KCNN2: variants seen among roughly 807,000 people sequenced by gnomAD.
KCNN2 encodes potassium calcium-activated channel subfamily N member 2.
A neutral mutation model predicts 55.5 loss-of-function variants in KCNN2; 24 were observed. The observed-to-expected ratio is 0.43, with a 90% CI of 0.31 to 0.61. KCNN2 has a LOEUF of 0.61. Ranked by LOEUF, KCNN2 falls within the 20% of genes least tolerant of loss-of-function variation. The pLI is 0.08. For missense variants in KCNN2, 754 were observed against 853.6 expected, an observed-to-expected ratio of 0.88 and a Z score of 1.45; for synonymous variants, 431 against 336.1, an observed-to-expected ratio of 1.28 and a Z score of -3.09.
intron 2 of KCNN2, among the ~76,000 whole-genome samples, chr5:114,350,087 C>A (rs911305948): frequency 6.6e-6 from 1 of 151,724 alleles, no homozygotes; most frequent in African/African-American, 2.4e-5. Flanking sequence ...TTGCCTTTGG[C>A]TTATTTATTC....
At position 114,088,881 on chromosome 5, in the gene KCNN2, A is replaced by G. The variant is rs564388194; in HGVS notation, c.-271+32381A>G. ...AGTGATCCACCCACTTTGTCCTCCA[A>G]AAGCGCTGAGATTACAGGCGTGAGC... is the stretch of plus-strand genomic sequence containing the variant. On this transcript the variant is annotated intron_variant, in intron 1 of 10. Transcript: ENST00000512097. 8.5e-5 allele frequency among the ~76,000 whole-genome samples: 13 copies of G among 152,322 alleles called. 1 individual carries two copies. The South Asian group carries it at 2.7e-3, about 32-fold the overall frequency.
chr5:114,241,750 A>ATG (rs1491370553), intron 2 of KCNN2, among the ~76,000 whole-genome samples: 6 of 11,264 alleles, frequency 5.3e-4, no homozygotes, highest in Admixed American at 1.1e-3. Flanking sequence ...ACGTATATAT[A>ATG]TGTATATATA....
intron 5 of KCNN2, 168 bp from the exon 6 acceptor site, chr5:114,486,882 A>G (rs1747577096): frequency 1.8e-6 from 2 of 1,136,014 alleles, no homozygotes; most frequent in African/African-American, 1.6e-5. Context: ...GGCAGGTACA[A>G]GTACTTCTAA....
At chr5:114,123,077 T>C (rs987545123) in intron 1 of KCNN2, among the ~76,000 whole-genome samples, 3 of 152,076 alleles carry the variant, frequency 2.0e-5, no homozygotes, top group Admixed American at 6.6e-5. Context: ...CGGTAGAAAA[T>C]GAATGATGTG....
At chr5:114,422,876 A>G (rs1759509740) in intron 3 of KCNN2, among the ~76,000 whole-genome samples, 1 of 152,228 alleles carries the variant, frequency 6.6e-6, no homozygotes, top group Non-Finnish European at 1.5e-5. Flanking sequence ...TGCCAGACAA[A>G]TGATTAGCAC....
At chr5:114,242,047 C>G (rs1014060213) in intron 2 of KCNN2, among the ~76,000 whole-genome samples, 2 of 151,300 alleles carry the variant, frequency 1.3e-5, no homozygotes, top group African/African-American at 4.9e-5. Flanking sequence ...CCAGTTCCCA[C>G]ACGGTGAAAT....
At chr5:114,126,255 T>C (rs931177169) in intron 1 of KCNN2, among the ~76,000 whole-genome samples, 1 of 152,126 alleles carries the variant, frequency 6.6e-6, no homozygotes, top group African/African-American at 2.4e-5. Context: ...ACTATATTAC[T>C]CTGTTCTCAG....
chr5:114,272,466 T>TATAC (rs1554078527), intron 2 of KCNN2, among the ~76,000 whole-genome samples: 6 of 149,120 alleles, frequency 4.0e-5, no homozygotes, highest in Non-Finnish European at 7.4e-5. Context: ...GTACATATCA[T>TATAC]ACACACATAT....
At chr5:114,192,423 T>C (rs10900692) in intron 1 of KCNN2, among the ~76,000 whole-genome samples, 149,886 of 152,236 alleles carry the variant, frequency 0.98, 73,847 homozygotes, top group Middle Eastern at 1. Context: ...TATGTATGGA[T>C]AACATTAGCT....
At chr5:114,331,879 G>A (rs1478404510) in intron 2 of KCNN2, among the ~76,000 whole-genome samples, 2 of 151,860 alleles carry the variant, frequency 1.3e-5, no homozygotes, top group African/African-American at 4.8e-5. Context: ...AATATATATT[G>A]AGCACTGCAC....
At chr5:114,098,113 T>C (rs982087871) in intron 1 of KCNN2, among the ~76,000 whole-genome samples, 2 of 152,146 alleles carry the variant, frequency 1.3e-5, no homozygotes, top group Admixed American at 6.6e-5. Context: ...ATCATCTTTC[T>C]TTCCGCTTCT....
intron 6 of KCNN2, among the ~76,000 whole-genome samples, chr5:114,491,478 C>A (rs1234809912): frequency 7.2e-6 from 1 of 139,244 alleles, no homozygotes; most frequent in Non-Finnish European, 1.5e-5. Context: ...CTGTTGCCTG[C>A]AGAAAGCTCT....
chr5:114,183,165 T>C (rs73779738), intron 1 of KCNN2, among the ~76,000 whole-genome samples: 3,810 of 152,194 alleles, frequency 0.025, 146 homozygotes, highest in African/African-American at 0.087. Flanking sequence ...CTTAATAGAG[T>C]GAATCACATT....
chr5:114,425,422 GT>G (rs1218912356), intron 3 of KCNN2, among the ~76,000 whole-genome samples: 1 of 152,150 alleles, frequency 6.6e-6, no homozygotes, highest in Admixed American at 6.5e-5. Flanking sequence ...TTACACCCCT[GT>G]GTCAAATGCC....
At chr5:114,216,976 G>A (rs1223744923) in intron 1 of KCNN2, among the ~76,000 whole-genome samples, 1 of 152,126 alleles carries the variant, frequency 6.6e-6, no homozygotes, top group Admixed American at 6.6e-5. Context: ...CAATGAACAT[G>A]TGGAATGTGA....
intron 1 of KCNN2, among the ~76,000 whole-genome samples, chr5:114,060,554 G>T (rs552363629): frequency 1.3e-5 from 2 of 152,316 alleles, no homozygotes; most frequent in Admixed American, 1.3e-4. Flanking sequence ...TAATGATAAA[G>T]TCACAAGGAC....
At chr5:114,318,455 A>G (rs2150028476) in intron 2 of KCNN2, among the ~76,000 whole-genome samples, 1 of 152,200 alleles carries the variant, frequency 6.6e-6, no homozygotes, top group African/African-American at 2.4e-5. Context: ...GTATGTATTT[A>G]TAACCCCAGA....
At chr5:114,180,970 G>C (rs13180969) in intron 1 of KCNN2, among the ~76,000 whole-genome samples, 17,140 of 151,470 alleles carry the variant, frequency 0.11, 1,149 homozygotes, top group Middle Eastern at 0.23. Context: ...ATGAGTAGTT[G>C]GTTCTTTTTT....
At chr5:114,451,766 G>A (rs111726449) in intron 3 of KCNN2, among the ~76,000 whole-genome samples, 3,111 of 151,850 alleles carry the variant, frequency 0.02, 47 homozygotes, top group African/African-American at 0.022. Flanking sequence ...GCATGGTAGC[G>A]GGTGCCTGTA....
Sources: gnomAD v4.1 joint callset for allele counts (sites outside exome capture counted in the v4.1 genomes callset) on GRCh38, gnomAD v4.1.1 for gene constraint, MANE v1.5 for transcripts, NCBI Gene and HGNC (gene_info 2026-07-23, HGNC 2026-07-21) for gene names.